The following MAPRE2 variants were observed in gnomAD, a reference collection of about 807,000 sequenced individuals.
MAPRE2 encodes the protein microtubule-associated protein RP/EB family member 2.
In MAPRE2, 13 loss-of-function variants were observed where a neutral mutation model predicts 43.2. That is an observed-to-expected ratio of 0.30 (90% CI 0.20 to 0.48). The LOEUF (loss-of-function observed/expected upper bound fraction) is 0.48, where lower values mean the gene tolerates loss of function less well. Ranked by LOEUF, MAPRE2 falls within the 20% of genes least tolerant of loss-of-function variation. The pLI, the probability that MAPRE2 is intolerant of heterozygous loss-of-function variation, is 0.99. For synonymous variants in MAPRE2, 135 were observed against 148.8 expected (o/e 0.91, Z 0.68); for missense variants, 161 against 400.2 (o/e 0.40, Z 5.10).
At chr18:35,106,598 G>C (rs1443644) in intron 4 of MAPRE2, among the ~76,000 whole-genome samples, 24,543 of 152,050 alleles carry the variant, frequency 0.16, 2,646 homozygotes, top group African/African-American at 0.3. Context: ...GGTGCATCCT[G>C]TTTTTTTAAG....
chr18:35,088,442 G>A (rs1907980812), intron 2 of MAPRE2, among the ~76,000 whole-genome samples: 3 of 152,172 alleles, frequency 2.0e-5, no homozygotes, highest in Non-Finnish European at 4.4e-5. Context: ...CCTGATAACA[G>A]GGTATTTTAA....
intron 1 of MAPRE2, among the ~76,000 whole-genome samples, chr18:35,063,075 C>T (rs1221634161): frequency 2.0e-5 from 3 of 151,958 alleles, no homozygotes; most frequent in Non-Finnish European, 4.4e-5. Context: ...AGTACATTGG[C>T]ATGCGGTGGG....
rs991080402 is a variant in MAPRE2 at position 35,126,981 on chromosome 18, G to C, written c.644G>C (p.Gly215Ala). The C allele has an allele frequency of 6.2e-7, 1 of 1,614,006 alleles. No homozygotes were observed. Among genetic ancestry groups the C allele is most frequent in the Non-Finnish European group, 8.5e-7 (1 of 1,180,022 alleles). Reference protein sequence around the residue: ...AAKSSPAAKPGSTPSRPSSAK... With the variant: ...AAKSSPAAKPASTPSRPSSAK... ...AAATCAAGTCCAGCAGCTAAACCAG[G>C]ATCCACACCTTCTCGACCCTCATCA... The change falls in exon 5 of 7, where the codon GGA becomes GCA. Residue 215 changes from glycine to alanine, a missense_variant. Around this residue, in one of 2 missense-constraint regions of MAPRE2, gnomAD observed 96 missense variants for 153.3 expected, o/e 0.63. Coordinates refer to ENST00000300249, the MANE Select transcript of MAPRE2 (RefSeq NM_014268.4).
intron 1 of MAPRE2, among the ~76,000 whole-genome samples, chr18:35,003,232 G>A (rs978741667): frequency 3.2e-4 from 48 of 152,116 alleles, no homozygotes; most frequent in African/African-American, 2.4e-5. Flanking sequence ...CACATGCTAG[G>A]TCCTGAACTT....
In MAPRE2 at chr18:35,081,537, C is replaced by T. The variant is rs115108714; in HGVS notation, c.250+11215C>T. Among the ~76,000 whole-genome samples, 550 of 152,182 alleles carry T rather than the reference C, an allele frequency of 3.6e-3. 2 individuals are homozygous for T. The highest frequency in any genetic ancestry group is 0.012 in the African/African-American group (495 of 41,506). ...GACGGGACTCTTTTCAGGGAGCTGCCGGGGAAGGAGCATCCTCCTCTGGAA... is the reference window on the plus strand; with the variant it reads ...GACGGGACTCTTTTCAGGGAGCTGCTGGGGAAGGAGCATCCTCCTCTGGAA... On this transcript the variant is annotated intron_variant, in intron 2 of 6. Coordinates refer to ENST00000300249, the MANE Select transcript of MAPRE2 (RefSeq NM_014268.4).
At chr18:34,985,948 T>G (rs924840701) in intron 1 of MAPRE2, among the ~76,000 whole-genome samples, 6 of 151,658 alleles carry the variant, frequency 4.0e-5, no homozygotes, top group Non-Finnish European at 8.8e-5. Flanking sequence ...TACTATATTT[T>G]TACTAGAGCA....
At chr18:35,058,116 C>A (rs1023011867) in intron 1 of MAPRE2, among the ~76,000 whole-genome samples, 1 of 152,120 alleles carries the variant, frequency 6.6e-6, no homozygotes, top group African/African-American at 2.4e-5. Context: ...TTGAAGTTTT[C>A]AATTTTGATT....
chr18:34,984,093 T>G (rs577028907), intron 1 of MAPRE2, among the ~76,000 whole-genome samples: 5 of 152,214 alleles, frequency 3.3e-5, no homozygotes, highest in Non-Finnish European at 7.3e-5. Context: ...AATTCAAAAG[T>G]AGACCAGATT....
At chr18:35,078,640 A>C (rs478464) in intron 2 of MAPRE2, among the ~76,000 whole-genome samples, 40,555 of 151,930 alleles carry the variant, frequency 0.27, 6,799 homozygotes, top group East Asian at 0.52. Context: ...GCAGCTGTGG[A>C]TGCAACGAAG....
intron 2 of MAPRE2, among the ~76,000 whole-genome samples, chr18:35,015,633 A>AGTGTGTGTGTGTGTGT (rs3082290): frequency 1.1e-4 from 15 of 134,894 alleles, no homozygotes; most frequent in African/African-American, 3.5e-4. Context: ...TAGGGATGGC[A>AGTGTGTGTGTGTGTGT]GTGTGTGTGT....
chr18:35,007,890 A>G (rs1003432599), intron 2 of MAPRE2, among the ~76,000 whole-genome samples: 1 of 152,156 alleles, frequency 6.6e-6, no homozygotes, highest in African/African-American at 2.4e-5. Context: ...ACCAAAAGTA[A>G]ACTGAAAATA....
At chr18:35,087,731 G>A (rs1038136286) in intron 2 of MAPRE2, among the ~76,000 whole-genome samples, 2 of 152,134 alleles carry the variant, frequency 1.3e-5, no homozygotes, top group Non-Finnish European at 2.9e-5. Context: ...TAAGGCACAA[G>A]TATTCTTGAA....
chr18:34,984,827 TATATA>T (rs1418087526), intron 1 of MAPRE2, among the ~76,000 whole-genome samples: 1 of 127,412 alleles, frequency 7.8e-6, no homozygotes, highest in Non-Finnish European at 1.6e-5. Flanking sequence ...AAAATATAAA[TATATA>T]ATATTTTATA....
At chr18:34,980,023 CTTTTTTTCTTTTTTTTT>C (rs202118720) in intron 1 of MAPRE2, among the ~76,000 whole-genome samples, 4,132 of 132,364 alleles carry the variant, frequency 0.031, 112 homozygotes, top group East Asian at 0.11. Context: ...TTTTCTTTTT[CTTTTTTTCTTTTTTTTT>C]TTTTTTTTTT....
intron 6 of MAPRE2, among the ~76,000 whole-genome samples, chr18:35,135,472 A>G (rs1355729465): frequency 6.6e-6 from 1 of 151,944 alleles, no homozygotes; most frequent in Non-Finnish European, 1.5e-5. Flanking sequence ...TCTTCCTGAG[A>G]ATATGGAATC....
At chr18:35,078,807 A>G (rs1261287875) in intron 2 of MAPRE2, among the ~76,000 whole-genome samples, 4 of 152,210 alleles carry the variant, frequency 2.6e-5, no homozygotes, top group African/African-American at 9.7e-5. Flanking sequence ...TGGTAATTCT[A>G]CTAATGACAA....
chr18:35,023,410 G>T (rs1451774894), intron 2 of MAPRE2, among the ~76,000 whole-genome samples: 1 of 151,956 alleles, frequency 6.6e-6, no homozygotes, highest in African/African-American at 2.4e-5. Flanking sequence ...TACTCGGGTG[G>T]CTGAGGCAGG....
intron 6 of MAPRE2, among the ~76,000 whole-genome samples, chr18:35,134,612 A>C (rs950608262): frequency 3.3e-5 from 5 of 152,214 alleles, no homozygotes; most frequent in Non-Finnish European, 5.9e-5. Flanking sequence ...ACATAGTACT[A>C]GTTGGGGAAA....
At chr18:35,069,114 T>C (rs1255502098) in intron 1 of MAPRE2, among the ~76,000 whole-genome samples, 1 of 152,172 alleles carries the variant, frequency 6.6e-6, no homozygotes, top group Non-Finnish European at 1.5e-5. Context: ...ACCACAGCAG[T>C]GTGATACAAT....
Sources: allele counts gnomAD v4.1 joint callset (sites outside exome capture counted in the v4.1 genomes callset), GRCh38; gene constraint gnomAD v4.1.1; regional missense constraint gnomAD v4.1.1; transcripts MANE v1.5; gene names NCBI Gene and HGNC (gene_info 2026-07-23, HGNC 2026-07-21).